ADAMTS6: variants seen among roughly 807,000 people sequenced by gnomAD.
ADAMTS6 encodes the protein A disintegrin and metalloproteinase with thrombospondin motifs 6.
In ADAMTS6, 23 loss-of-function variants were observed where a neutral mutation model predicts 144.3. The observed-to-expected ratio is 0.16, with a 90% CI of 0.11 to 0.23. ADAMTS6 has a LOEUF of 0.23. Among genes scored for constraint, ADAMTS6 ranks in the 10% least tolerant of loss-of-function variants. The probability of loss-of-function intolerance (pLI) is 1.00; values close to 1 mark genes in which losing one functional copy is unlikely to be tolerated. For missense variants in ADAMTS6, 999 were observed against 1,379.6 expected, an observed-to-expected ratio of 0.72 and a Z score of 4.37; for synonymous variants, 444 against 457.5, an observed-to-expected ratio of 0.97 and a Z score of 0.38.
rs1166477862 is a variant in ADAMTS6 at position 65,151,917 on chromosome 5, A to G, written c.3273T>C (p.Tyr1091=). 3 of 1,613,800 alleles carry G rather than the reference A, an allele frequency of 1.9e-6. No homozygotes were observed. The highest frequency in any genetic ancestry group is 2.7e-5 in the African/African-American group (2 of 74,942). ...ACTTGAACTTCAGCACCAGTGGGCA[A>G]TAAGCCACTTTATTCACATCTTTGC... The part of the protein sequence containing the change: ...EECKDVNKVA[Y]CPLVLKFKFC... Residue 1091 remains tyrosine (Y), a synonymous_variant, in exon 25 of 25, where the codon TAT becomes TAC. Transcript: ENST00000381055.
intron 18 of ADAMTS6, among the ~76,000 whole-genome samples, chr5:65,215,783 A>G (rs1263690423): frequency 6.6e-6 from 1 of 152,226 alleles, no homozygotes; most frequent in Non-Finnish European, 1.5e-5. Context: ...GATGAGACTT[A>G]ACATGAGGGT....
chr5:65,272,928 C>CA (rs775273661), intron 12 of ADAMTS6, among the ~76,000 whole-genome samples: 1,845 of 81,030 alleles, frequency 0.023, 33 homozygotes, highest in African/African-American at 0.069. Context: ...GACCCTGTCT[C>CA]AAAAAAAAAA....
rs564892382 is a variant in ADAMTS6 at position 65,226,140 on chromosome 5, A to G, written c.2013T>C (p.Asp671=). ...FYTERAPAVI[D]GTQCNADSLD... is the part of the protein sequence containing the mutation. ...GTGAATCCGCATTGCACTGGGTCCCATCGATCACCGCAGGAGCACGTTCAG... is the reference window on the plus strand; with the variant it reads ...GTGAATCCGCATTGCACTGGGTCCCGTCGATCACCGCAGGAGCACGTTCAG... Residue 671 remains aspartate, a synonymous_variant, in exon 16 of 25, where the codon GAT becomes GAC. Transcript: ENST00000381055. 4 of 1,613,978 alleles carry G rather than the reference A, an allele frequency of 2.5e-6. No homozygotes were observed. In the East Asian group the frequency reaches 6.7e-5, roughly 27 times the overall value.
At chr5:65,190,838 T>A (rs1754973779) in intron 21 of ADAMTS6, among the ~76,000 whole-genome samples, 2 of 152,136 alleles carry the variant, frequency 1.3e-5, no homozygotes, top group Non-Finnish European at 2.9e-5. Flanking sequence ...CATCGTATCA[T>A]CCCTTCCCAT....
intron 7 of ADAMTS6, among the ~76,000 whole-genome samples, chr5:65,384,048 T>C (rs956940704): frequency 1.3e-5 from 2 of 152,198 alleles, no homozygotes; most frequent in Non-Finnish European, 1.5e-5. Context: ...ACCAAGGCCC[T>C]GGCGTTCTGA....
chr5:65,418,268 T>C (rs1017950897), intron 7 of ADAMTS6, among the ~76,000 whole-genome samples: 2 of 152,122 alleles, frequency 1.3e-5, no homozygotes, highest in African/African-American at 4.8e-5. Flanking sequence ...AGAATCCTAG[T>C]AGAAAACCTG....
At chr5:65,213,960 A>T (rs1756720269) in intron 20 of ADAMTS6, 1 of 163,366 alleles carries the variant, frequency 6.1e-6, no homozygotes, top group African/African-American at 2.4e-5. Context: ...GCCTGTTAGG[A>T]TCAAGGTGTA....
chr5:65,173,144 G>A, intron 22 of ADAMTS6, 136 bp from the exon 23 acceptor site: 2 of 816,882 alleles, frequency 2.4e-6, no homozygotes, highest in South Asian at 2.0e-5. Context: ...AAGTCTCTCA[G>A]ATACAACGTT....
At chr5:65,195,748 C>A (rs1279475378) in intron 21 of ADAMTS6, among the ~76,000 whole-genome samples, 1 of 152,210 alleles carries the variant, frequency 6.6e-6, no homozygotes, top group Non-Finnish European at 1.5e-5. Flanking sequence ...TTGGAACATA[C>A]AAATTCATTT....
chr5:65,296,288 G>A (rs887742524), intron 10 of ADAMTS6, among the ~76,000 whole-genome samples: 13 of 152,124 alleles, frequency 8.5e-5, no homozygotes, highest in South Asian at 6.2e-4. Flanking sequence ...ACTGTCTTAC[G>A]TACTATAGTC....
chr5:65,226,066 A>T lies in ADAMTS6; in HGVS notation c.2067+20T>A. The T allele has an allele frequency of 6.3e-7, 1 of 1,589,176 alleles. No individual in the cohort carries two copies. Among genetic ancestry groups the T allele is most frequent in the South Asian group, 1.2e-5 (1 of 85,860 alleles). On this transcript the variant is annotated intron_variant, in intron 16 of 24. Transcript: ENST00000381055. ...AAAAGTCTCAAAAACCCCAACAGAA[A>T]GGAGTAAAATCTGAGCAACCTTGCA...
intron 21 of ADAMTS6, among the ~76,000 whole-genome samples, chr5:65,194,990 T>A (rs1393964240): frequency 2.0e-5 from 3 of 152,232 alleles, no homozygotes; most frequent in African/African-American, 7.2e-5. Context: ...TTTAAACTTT[T>A]AAGCTTAAAC....
chr5:65,448,527 A>G (rs1287880443), intron 7 of ADAMTS6, among the ~76,000 whole-genome samples: 2 of 151,236 alleles, frequency 1.3e-5, no homozygotes, highest in African/African-American at 4.9e-5. Flanking sequence ...ATCTAGGCTC[A>G]CTGCAAGCTC....
intron 2 of ADAMTS6, among the ~76,000 whole-genome samples, chr5:65,471,737 G>A (rs57172959): frequency 6.6e-6 from 1 of 150,454 alleles, no homozygotes. Context: ...CAGCCTGGGC[G>A]ACAGAGCAAG....
At chr5:65,381,874 C>T (rs1752078523) in intron 7 of ADAMTS6, among the ~76,000 whole-genome samples, 1 of 152,066 alleles carries the variant, frequency 6.6e-6, no homozygotes, top group South Asian at 2.1e-4. Context: ...TAAAAGCTCA[C>T]TTGATAAATG....
Position 65,285,791 on chromosome 5 carries a change from C to T in ADAMTS6, c.1512+5538G>A, listed in dbSNP as rs114639559. Among the ~76,000 whole-genome samples, 624 of 152,220 alleles carry T rather than the reference C, an allele frequency of 4.1e-3. 4 individuals carry two copies. The highest frequency in any genetic ancestry group is 0.014 in the African/African-American group (583 of 41,544). On this transcript the variant is annotated intron_variant, in intron 11 of 24. Coordinates refer to ENST00000381055, the MANE Select transcript of ADAMTS6 (RefSeq NM_197941.4). ...TAAGTAATGTTGTTAGAAAAGGCCT[C>T]ATTTACATGATCACACTTAATAAGT...
intron 7 of ADAMTS6, among the ~76,000 whole-genome samples, chr5:65,339,035 T>C (rs1747579454): frequency 6.6e-6 from 1 of 152,232 alleles, no homozygotes; most frequent in Non-Finnish European, 1.5e-5. Context: ...ACCCCCAGGC[T>C]GTCTAAGTAA....
In ADAMTS6 at chr5:65,478,265, G is replaced by C. The variant is rs188648963; in HGVS notation, c.-280+3078C>G. On this transcript the variant is annotated intron_variant, in intron 1 of 24. Coordinates refer to ENST00000381055, the MANE Select transcript of ADAMTS6 (RefSeq NM_197941.4). ...GACACCTGGTGGGGAGGTTAATCTGGACACCATAAATATGTAGAGGCTGTG... is the reference window on the plus strand; with the variant it reads ...GACACCTGGTGGGGAGGTTAATCTGCACACCATAAATATGTAGAGGCTGTG... Among the ~76,000 whole-genome samples the C allele has an allele frequency of 1.3e-3, 202 of 152,322 alleles. 1 individual carries two copies. The highest frequency in any genetic ancestry group is 4.6e-3 in the African/African-American group (191 of 41,580).
At chr5:65,323,485 T>C (rs1385115005) in intron 9 of ADAMTS6, among the ~76,000 whole-genome samples, 1 of 152,016 alleles carries the variant, frequency 6.6e-6, no homozygotes, top group African/African-American at 2.4e-5. Flanking sequence ...CCATGGTGCA[T>C]ATGTGCCACA....
Sources: gnomAD v4.1 joint callset for allele counts (sites outside exome capture counted in the v4.1 genomes callset) on GRCh38, gnomAD v4.1.1 for gene constraint, MANE v1.5 for transcripts, NCBI Gene and HGNC (gene_info 2026-07-23, HGNC 2026-07-21) for gene names.